The following EIF5B variants were observed in gnomAD, a reference collection of about 807,000 sequenced individuals.
EIF5B encodes eIF-5B.
A neutral mutation model predicts 147.5 loss-of-function variants in EIF5B; 47 were observed. The ratio of observed to expected loss-of-function variants is 0.32; its 90% CI spans 0.25 to 0.41. The LOEUF (loss-of-function observed/expected upper bound fraction) is 0.41. Among genes scored for constraint, EIF5B ranks in the 10% least tolerant of loss-of-function variants. The pLI, the probability that EIF5B is intolerant of heterozygous loss-of-function variation, is 1.00. For missense variants in EIF5B, 1,064 were observed against 1,413.2 expected (o/e 0.75, Z 3.96); for synonymous variants, 455 against 456.2 (o/e 1.00, Z 0.03).
chr2:99,376,555 G>C lies in EIF5B; in HGVS notation c.1761G>C (p.Met587Ile). 6.2e-7 allele frequency: 1 copy of C among 1,614,046 alleles called. No homozygotes were observed. ...KTLDKKPSKE[M>I]SSDSEYDSDD... ...TAGATAAAAAGCCAAGTAAAGAAAT[G>C]AGCTCAGATTCTGAATATGACTCTG... Residue 587 changes from methionine to isoleucine, a missense_variant, in exon 10 of 24, where the codon ATG (methionine) becomes ATC (isoleucine). Around this residue, in one of 4 missense-constraint regions of EIF5B, gnomAD observed 195 missense variants for 186.3 expected, o/e 1.05. Transcript: ENST00000289371.
chr2:99,348,599 G>C (rs1326173758), intron 1 of EIF5B, among the ~76,000 whole-genome samples: 3 of 152,224 alleles, frequency 2.0e-5, no homozygotes, highest in African/African-American at 7.2e-5. Context: ...TGCTGAGATA[G>C]AGTTAAGAAT....
rs113786878 is a variant in EIF5B at position 99,393,368 on chromosome 2, G to C, written c.2880+270G>C. Among the ~76,000 whole-genome samples, 628 of 152,218 alleles carry C rather than the reference G, an allele frequency of 4.1e-3. 2 individuals are homozygous for C. The highest frequency in any genetic ancestry group is 7.3e-3 in the Non-Finnish European group (496 of 67,998). ...CAAAAGCTAGAAGTCGGCTGGGCATGGTGAATGCACACCTGTAGTCCCAGC... is the reference window on the plus strand; with the variant it reads ...CAAAAGCTAGAAGTCGGCTGGGCATCGTGAATGCACACCTGTAGTCCCAGC... On this transcript the variant is annotated intron_variant, in intron 18 of 23. Transcript: ENST00000289371.
At chr2:99,338,937 TACAA>T (rs1559240092) in intron 1 of EIF5B, among the ~76,000 whole-genome samples, 7 of 134,666 alleles carry the variant, frequency 5.2e-5, no homozygotes, top group South Asian at 2.2e-4. Flanking sequence ...TATATATATA[TACAA>T]ATATATATAC....
chr2:99,370,724 T>C (rs1275193219), intron 8 of EIF5B, among the ~76,000 whole-genome samples: 1 of 152,256 alleles, frequency 6.6e-6, no homozygotes, highest in Non-Finnish European at 1.5e-5. Context: ...ACCCGTCATC[T>C]TACTTTCATT....
At chr2:99,338,666 A>T (rs1370092085) in intron 1 of EIF5B, among the ~76,000 whole-genome samples, 2 of 152,182 alleles carry the variant, frequency 1.3e-5, no homozygotes, top group Non-Finnish European at 2.9e-5. Context: ...GAGGAAGTTA[A>T]TTGGTTTGGA....
At position 99,357,189 on chromosome 2, in the gene EIF5B, T is replaced by C. The variant is rs1260121635; in HGVS notation, c.36-3047T>C. Among the ~76,000 whole-genome samples, 6 of 152,352 alleles carry C rather than the reference T, an allele frequency of 3.9e-5. No individual in the cohort carries two copies. In the East Asian group the frequency reaches 1.2e-3, roughly 29 times the overall value. ...AAAATTGAGTAATGAGGCTTGCAGC[T>C]TTGTTCTTCAGTATTATGTTGACTT... is the stretch of plus-strand genomic sequence containing the variant. On this transcript the variant is annotated intron_variant, in intron 1 of 23. Coordinates refer to ENST00000289371, the MANE Select transcript of EIF5B (RefSeq NM_015904.4).
At chr2:99,375,283 G>A (rs1674539290) in intron 9 of EIF5B, among the ~76,000 whole-genome samples, 7 of 152,152 alleles carry the variant, frequency 4.6e-5, no homozygotes. Context: ...GGTCAAGGAT[G>A]ATGTTTTCTT....
In EIF5B at chr2:99,360,377, A is replaced by G; in HGVS notation, c.161+16A>G. The G allele has an allele frequency of 1.9e-6, 3 of 1,577,582 alleles. No homozygotes were observed. Among genetic ancestry groups the G allele is most frequent in the Non-Finnish European group, 2.6e-6 (3 of 1,163,288 alleles). The stretch of plus-strand genomic sequence containing the variant: ...AGGACTTTGAGTAAGTATATTTTAA[A>G]TATATTTGATTTTTATTTGTTTTGG... On this transcript the variant is annotated intron_variant, in intron 2 of 23. Coordinates refer to ENST00000289371, the MANE Select transcript of EIF5B (RefSeq NM_015904.4).
At chr2:99,372,970 T>G (rs1674484044) in intron 9 of EIF5B, among the ~76,000 whole-genome samples, 1 of 152,140 alleles carries the variant, frequency 6.6e-6, no homozygotes. Flanking sequence ...AAATCTCCCA[T>G]CATGATTGTA....
chr2:99,397,167 A>G (rs935032974), intron 22 of EIF5B: 6 of 267,820 alleles, frequency 2.2e-5, no homozygotes, highest in Non-Finnish European at 4.2e-5. Flanking sequence ...CTCAGTGCTG[A>G]TCTCAGTGCT....
chr2:99,393,482 G>A (rs1394700132), intron 18 of EIF5B, among the ~76,000 whole-genome samples: 3 of 151,830 alleles, frequency 2.0e-5, no homozygotes, highest in Non-Finnish European at 4.4e-5. Flanking sequence ...CTCCAACCTG[G>A]GTGACAGCAG....
chr2:99,376,642 T>C lies in EIF5B; in HGVS notation c.1842+6T>C. On this transcript the variant is annotated splice_donor_region_variant and intron_variant, in intron 10 of 23. Coordinates refer to ENST00000289371, the MANE Select transcript of EIF5B (RefSeq NM_015904.4). ...AAGCAAAACGGAGGATTGAGGTATTTATTTTACCGTTTCTCTCTACTTTTC... is the reference window on the plus strand; with the variant it reads ...AAGCAAAACGGAGGATTGAGGTATTCATTTTACCGTTTCTCTCTACTTTTC... 1 of 1,586,904 alleles carries C rather than the reference T, an allele frequency of 6.3e-7. No homozygotes were observed. Among genetic ancestry groups the C allele is most frequent in the Non-Finnish European group, 8.6e-7 (1 of 1,168,896 alleles).
At chr2:99,373,741 TCTTA>T (rs1674502190) in intron 9 of EIF5B, among the ~76,000 whole-genome samples, 1 of 152,212 alleles carries the variant, frequency 6.6e-6, no homozygotes. Flanking sequence ...AAACATTTCA[TCTTA>T]CTAAGTCGTT....
At chr2:99,368,395 T>G in intron 6 of EIF5B, 98 bp from the exon 7 acceptor site, 5 of 829,694 alleles carry the variant, frequency 6.0e-6, no homozygotes, top group Non-Finnish European at 9.9e-6. Flanking sequence ...TTTTAGGGTA[T>G]GTGTCTCTGT....
At chr2:99,366,636 T>TG (rs886524106) in intron 6 of EIF5B, among the ~76,000 whole-genome samples, 1 of 152,250 alleles carries the variant, frequency 6.6e-6, no homozygotes, top group Non-Finnish European at 1.5e-5. Flanking sequence ...CTAAGGCTTC[T>TG]GCCCATAGTG....
At chr2:99,357,819 G>A (rs535790747) in intron 1 of EIF5B, among the ~76,000 whole-genome samples, 1 of 152,244 alleles carries the variant, frequency 6.6e-6, no homozygotes, top group Non-Finnish European at 1.5e-5. Flanking sequence ...TTAGGTTCTT[G>A]TTACCTGAAG....
chr2:99,382,141 T>G lies in EIF5B; in HGVS notation c.2062-18T>G. 6 of 1,609,446 alleles carry G rather than the reference T, an allele frequency of 3.7e-6. No individual in the cohort carries two copies. Among genetic ancestry groups the G allele is most frequent in the Non-Finnish European group, 4.2e-6 (5 of 1,176,930 alleles). On this transcript the variant is annotated intron_variant, in intron 12 of 23. Transcript: ENST00000289371. Reference sequence around the variant, plus strand: ...GTCTGACTTTCTTAAACTTTGAACTTTTCCCCATTGTTTCTAGTTTGATAG... The same window carrying G: ...GTCTGACTTTCTTAAACTTTGAACTGTTCCCCATTGTTTCTAGTTTGATAG...
chr2:99,377,705 A>G lies in EIF5B; in HGVS notation c.1842+1069A>G, dbSNP rs531924371. On this transcript the variant is annotated intron_variant, in intron 10 of 23. Transcript: ENST00000289371. ...GTTAATGGTAGTGTGTATGAGCTTC[A>G]TGTTTTTAAAAATAAAGGCCCTAGC... 2.6e-5 allele frequency among the ~76,000 whole-genome samples: 4 copies of G among 152,272 alleles called. No individual in the cohort carries two copies. The East Asian group carries it at 5.8e-4, about 22-fold the overall frequency.
chr2:99,373,703 GGT>G (rs1388228237), intron 9 of EIF5B, among the ~76,000 whole-genome samples: 2 of 151,852 alleles, frequency 1.3e-5, no homozygotes, highest in Non-Finnish European at 2.9e-5. Context: ...TGTAACATTT[GGT>G]GTAATTAATG....
Sources: allele counts gnomAD v4.1 joint callset (sites outside exome capture counted in the v4.1 genomes callset), GRCh38; gene constraint gnomAD v4.1.1; regional missense constraint gnomAD v4.1.1; transcripts MANE v1.5; gene names NCBI Gene and HGNC (gene_info 2026-07-23, HGNC 2026-07-21).